CPA6: variants seen among roughly 807,000 people sequenced by gnomAD.
The protein encoded by CPA6 is carboxypeptidase A6.
In CPA6, 58 loss-of-function variants were observed where a neutral mutation model predicts 63.3. That is an observed-to-expected ratio of 0.92 (90% CI 0.74 to 1.14). The LOEUF (loss-of-function observed/expected upper bound fraction) is 1.14. CPA6 is among the 50% of genes most tolerant of loss of function. CPA6 has a pLI of 0.00. For missense variants in CPA6, 565 were observed against 526.6 expected, an observed-to-expected ratio of 1.07 and a Z score of -0.71; for synonymous variants, 185 against 179.0, an observed-to-expected ratio of 1.03 and a Z score of -0.27.
At chr8:67,633,380 T>C (rs942599129) in intron 1 of CPA6, among the ~76,000 whole-genome samples, 4 of 152,186 alleles carry the variant, frequency 2.6e-5, no homozygotes, top group Non-Finnish European at 4.4e-5. Context: ...TTCCTCTTTC[T>C]TGGATTAATC....
intron 1 of CPA6, among the ~76,000 whole-genome samples, chr8:67,636,121 A>C (rs2128989092): frequency 6.6e-6 from 1 of 151,668 alleles, no homozygotes; most frequent in East Asian, 1.9e-4. Context: ...TAGCCCAATC[A>C]GATTTAAGGG....
At chr8:67,425,520 G>A (rs375990570) in intron 10 of CPA6, among the ~76,000 whole-genome samples, 10 of 152,058 alleles carry the variant, frequency 6.6e-5, no homozygotes, top group Middle Eastern at 3.4e-3. Context: ...GATTACAGGC[G>A]CACACCGCCA....
chr8:67,427,261 G>A (rs1809910573), intron 10 of CPA6, among the ~76,000 whole-genome samples: 1 of 152,092 alleles, frequency 6.6e-6, no homozygotes, highest in African/African-American at 2.4e-5. Flanking sequence ...TTATTTCCTA[G>A]TGACTCCCCT....
In CPA6 at chr8:67,604,959, G is replaced by A. The variant is rs190968530; in HGVS notation, c.192+19217C>T. Among the ~76,000 whole-genome samples the A allele has an allele frequency of 2.5e-3, 386 of 152,080 alleles. 1 individual carries two copies. The highest frequency in any genetic ancestry group is 8.5e-3 in the African/African-American group (353 of 41,492). Reference sequence around the variant, plus strand: ...TGCCTAATTTTTTTTTGTATTTTTAGTAGAGATGGGGTTTCACCATGTTGG... The same window carrying A: ...TGCCTAATTTTTTTTTGTATTTTTAATAGAGATGGGGTTTCACCATGTTGG... On this transcript the variant is annotated intron_variant, in intron 2 of 10. Coordinates refer to ENST00000297770, the MANE Select transcript of CPA6 (RefSeq NM_020361.5).
At chr8:67,630,454 T>G (rs1291266986) in intron 1 of CPA6, among the ~76,000 whole-genome samples, 1 of 152,196 alleles carries the variant, frequency 6.6e-6, no homozygotes, top group Non-Finnish European at 1.5e-5. Flanking sequence ...TTTTTTTTCT[T>G]GTCAAAGTTA....
chr8:67,475,881 C>CCTTTCTTTCTTTCTTT (rs763576613), intron 8 of CPA6, among the ~76,000 whole-genome samples: 5 of 43,098 alleles, frequency 1.2e-4, no homozygotes, highest in East Asian at 6.8e-4. Context: ...CTTTCTTTCT[C>CCTTTCTTTCTTTCTTT]CTTTCTTTCT....
chr8:67,631,685 T>G (rs2128988202), intron 1 of CPA6, among the ~76,000 whole-genome samples: 1 of 152,330 alleles, frequency 6.6e-6, no homozygotes, highest in South Asian at 2.1e-4. Flanking sequence ...TGTGTAAACT[T>G]TGTTCTTTTA....
intron 2 of CPA6, among the ~76,000 whole-genome samples, chr8:67,621,359 G>A (rs1417814331): frequency 1.3e-5 from 2 of 152,190 alleles, no homozygotes; most frequent in Non-Finnish European, 2.9e-5. Flanking sequence ...GGTGACCCCT[G>A]ACTCTAGAGT....
chr8:67,665,085 G>A (rs1037589035), intron 1 of CPA6, among the ~76,000 whole-genome samples: 20 of 151,964 alleles, frequency 1.3e-4, no homozygotes. Flanking sequence ...AAAAAAAATC[G>A]GCAAAGTTTT....
chr8:67,719,838 A>C (rs1412962655), intron 1 of CPA6, among the ~76,000 whole-genome samples: 1 of 152,112 alleles, frequency 6.6e-6, no homozygotes, highest in Admixed American at 6.5e-5. Flanking sequence ...GAGAATAAGG[A>C]AAGGGGGCAG....
chr8:67,498,516 A>G (rs1811767129), intron 6 of CPA6, among the ~76,000 whole-genome samples: 1 of 144,860 alleles, frequency 6.9e-6, no homozygotes, highest in Non-Finnish European at 1.5e-5. Context: ...AACCTGGGTG[A>G]CAGAGCGAGA....
intron 2 of CPA6, among the ~76,000 whole-genome samples, chr8:67,603,752 T>C (rs1587622788): frequency 6.6e-6 from 1 of 152,198 alleles, no homozygotes; most frequent in African/African-American, 2.4e-5. Context: ...AAACACTGAA[T>C]CACTCAGTGC....
intron 2 of CPA6, among the ~76,000 whole-genome samples, chr8:67,520,340 G>T (rs1442638155): frequency 6.6e-6 from 1 of 152,162 alleles, no homozygotes; most frequent in African/African-American, 2.4e-5. Flanking sequence ...GCAAGGCTTG[G>T]AGAAAGCTTC....
chr8:67,467,587 T>C (rs1194400689), intron 8 of CPA6, among the ~76,000 whole-genome samples: 2 of 152,176 alleles, frequency 1.3e-5, no homozygotes, highest in East Asian at 3.8e-4. Context: ...TCCACATTCC[T>C]TGCGGTTTCT....
At chr8:67,573,275 C>A (rs1813532701) in intron 2 of CPA6, among the ~76,000 whole-genome samples, 1 of 152,154 alleles carries the variant, frequency 6.6e-6, no homozygotes, top group South Asian at 2.1e-4. Flanking sequence ...CTTGCCAGAG[C>A]ACTTGGTCAA....
intron 1 of CPA6, among the ~76,000 whole-genome samples, chr8:67,675,064 A>G (rs1375272372): frequency 1.3e-5 from 2 of 152,184 alleles, no homozygotes; most frequent in South Asian, 2.1e-4. Context: ...ACCTGTATCT[A>G]TTAGGTACCA....
intron 2 of CPA6, among the ~76,000 whole-genome samples, chr8:67,582,420 G>A (rs1813799863): frequency 6.6e-6 from 1 of 152,164 alleles, no homozygotes; most frequent in Admixed American, 6.5e-5. Context: ...TATAAGTCCT[G>A]GCCAACGTGT....
chr8:67,704,379 T>C (rs543059452), intron 1 of CPA6, among the ~76,000 whole-genome samples: 1 of 152,272 alleles, frequency 6.6e-6, no homozygotes, highest in African/African-American at 2.4e-5. Flanking sequence ...CTTGTCTGCT[T>C]AAAAAGCATG....
intron 3 of CPA6, among the ~76,000 whole-genome samples, chr8:67,517,505 G>T (rs1374270476): frequency 1.3e-5 from 2 of 152,146 alleles, no homozygotes; most frequent in African/African-American, 4.8e-5. Flanking sequence ...CCTCTGACTT[G>T]CACTTCATAC....
Sources: allele counts gnomAD v4.1 joint callset (sites outside exome capture counted in the v4.1 genomes callset), GRCh38; gene constraint gnomAD v4.1.1; transcripts MANE v1.5; gene names NCBI Gene and HGNC (gene_info 2026-07-23, HGNC 2026-07-21).